RFX6: variants seen among roughly 807,000 people sequenced by gnomAD.
RFX6 encodes the protein regulatory factor X6.
RFX6 carries 50 observed loss-of-function variants against 110.8 expected under a neutral mutation model. That is an observed-to-expected ratio of 0.45 (90% confidence interval 0.36 to 0.57). The LOEUF is 0.57. RFX6 is among the 20% of genes least tolerant of loss of function. The pLI, the probability that RFX6 is intolerant of heterozygous loss-of-function variation, is 0.00. For synonymous variants in RFX6, 383 were observed against 411.2 expected, an observed-to-expected ratio of 0.93 and a Z score of 0.83; for missense variants, 990 against 1,127.0, an observed-to-expected ratio of 0.88 and a Z score of 1.74.
intron 11 of RFX6, among the ~76,000 whole-genome samples, chr6:116,919,613 T>A (rs1289640320): frequency 1.3e-5 from 2 of 152,210 alleles, no homozygotes; most frequent in East Asian, 3.8e-4. Context: ...TCTTTGCAAC[T>A]TCTCTGTGAT....
chr6:116,931,761 A>T lies in RFX6; in HGVS notation c.*255A>T, dbSNP rs1775891929. On this transcript the variant is annotated 3_prime_UTR_variant, in exon 19 of 19. Transcript: ENST00000332958. ...AAATTATCAAATAAAACCAGTGAAGATCTGAAGATGCAAACATTTCAACTA... is the reference window on the plus strand; with the variant it reads ...AAATTATCAAATAAAACCAGTGAAGTTCTGAAGATGCAAACATTTCAACTA... 1 of 378,188 alleles carries T rather than the reference A, an allele frequency of 2.6e-6. No homozygotes were observed. The allele number at this position is 378,188 out of a possible 1,614,324, so 23.4% of individuals were successfully genotyped here. A position where few individuals can be genotyped will look rare whatever the true frequency, so the allele number is the denominator to read the frequency against.
chr6:116,890,287 T>G (rs1377179675), intron 4 of RFX6, among the ~76,000 whole-genome samples: 1 of 152,122 alleles, frequency 6.6e-6, no homozygotes, highest in East Asian at 1.9e-4. Context: ...GCTGTGAAAA[T>G]TTGAGATCAT....
chr6:116,890,554 T>G (rs1448559089), intron 4 of RFX6, among the ~76,000 whole-genome samples: 2 of 152,184 alleles, frequency 1.3e-5, no homozygotes, highest in Non-Finnish European at 2.9e-5. Flanking sequence ...TCACTGGTTC[T>G]CTATCTCCTG....
chr6:116,901,115 C>G (rs187901835), intron 6 of RFX6, among the ~76,000 whole-genome samples: 2 of 152,102 alleles, frequency 1.3e-5, no homozygotes, highest in Admixed American at 6.5e-5. Context: ...TGATTTTGCC[C>G]TACTGTAACC....
chr6:116,900,387 T>C (rs1219865940), intron 6 of RFX6, among the ~76,000 whole-genome samples: 2 of 152,076 alleles, frequency 1.3e-5, no homozygotes, highest in Non-Finnish European at 2.9e-5. Flanking sequence ...CCCGAGTAGC[T>C]GGGATTACAG....
chr6:116,913,716 T>G (rs981233285), intron 7 of RFX6, among the ~76,000 whole-genome samples: 1 of 152,234 alleles, frequency 6.6e-6, no homozygotes, highest in Non-Finnish European at 1.5e-5. Context: ...GCAATAAATT[T>G]TGTAACAAGT....
At chr6:116,925,705 C>G (rs754143346) in intron 16 of RFX6, 46 bp downstream of exon 16, 2 of 1,343,190 alleles carry the variant, frequency 1.5e-6, no homozygotes, top group Non-Finnish European at 2.1e-6. Flanking sequence ...CTCAGAGAAG[C>G]CTGTTGCTTC....
At chr6:116,922,928 A>G (rs1476928045) in intron 13 of RFX6, among the ~76,000 whole-genome samples, 179 bp from the exon 14 acceptor site, 2 of 152,220 alleles carry the variant, frequency 1.3e-5, no homozygotes, top group African/African-American at 2.4e-5. Flanking sequence ...TTACCCTTAA[A>G]ACATCAGCAA....
At chr6:116,905,685 G>A (rs1775185852) in intron 6 of RFX6, among the ~76,000 whole-genome samples, 1 of 151,800 alleles carries the variant, frequency 6.6e-6, no homozygotes, top group Admixed American at 6.6e-5. Context: ...CCAAGGAGCT[G>A]GGACTGCAGG....
chr6:116,931,568 T>C lies in RFX6; in HGVS notation c.*62T>C, dbSNP rs986246079. 1.9e-5 allele frequency: 22 copies of C among 1,182,702 alleles called. No homozygotes were observed. Among genetic ancestry groups the C allele is most frequent in the Non-Finnish European group, 2.6e-5 (21 of 810,046 alleles). The allele number at this position is 1,182,702 out of a possible 1,614,324, so 73.3% of individuals were successfully genotyped here. On this transcript the variant is annotated 3_prime_UTR_variant, in exon 19 of 19. Coordinates refer to ENST00000332958, the MANE Select transcript of RFX6 (RefSeq NM_173560.4). ...AAAATCTCTACTGTGCAAATATCAT[T>C]ATTCACTCAGACTTCCATAAGAGTA...
intron 6 of RFX6, among the ~76,000 whole-genome samples, chr6:116,903,888 C>T (rs1311948736): frequency 1.3e-5 from 2 of 151,788 alleles, no homozygotes; most frequent in East Asian, 1.9e-4. Context: ...ACAATATTGA[C>T]GCAAACAATT....
rs747102902 is a variant in RFX6 at position 116,882,373 on chromosome 6, C to G, written c.511C>G (p.Arg171Gly). Residue 171 changes from arginine (R) to glycine (G), a missense_variant, in exon 4 of 19, where the codon CGC (arginine) becomes GGC (glycine). Around this residue, in one of 5 missense-constraint regions of RFX6, gnomAD observed 243 missense variants for 353.1 expected, o/e 0.69. Coordinates refer to ENST00000332958, the MANE Select transcript of RFX6 (RefSeq NM_173560.4). ...ACAATFGKTI[R>G]QKFPLLTTRR... The stretch of plus-strand genomic sequence containing the variant: ...TAATCATCTTTCTTTTTAGACAATT[C>G]GCCAGAAGTTTCCCCTCCTAACAAC... 1.9e-6 allele frequency: 3 copies of G among 1,612,114 alleles called. No individual in the cohort carries two copies. The highest frequency in any genetic ancestry group is 1.7e-5 in the Admixed American group (1 of 59,950).
chr6:116,881,909 T>C (rs1024550398), intron 3 of RFX6, among the ~76,000 whole-genome samples: 2 of 152,076 alleles, frequency 1.3e-5, no homozygotes, highest in Non-Finnish European at 2.9e-5. Context: ...TTAGCAACTT[T>C]AGAGAAAGGA....
At position 116,927,494 on chromosome 6, in the gene RFX6, G is replaced by A; in HGVS notation, c.2353G>A (p.Ala785Thr). Reference sequence around the variant, plus strand: ...CTTCAATTTCTTGAGCAACACAGGAGCTGCCAGCTGCCAAGGAGCAACACT... The same window carrying A: ...CTTCAATTTCTTGAGCAACACAGGAACTGCCAGCTGCCAAGGAGCAACACT... ...GSFNFLSNTG[A>T]ASCQGATLPP... Residue 785 changes from alanine to threonine, a missense_variant, in exon 17 of 19, where the codon GCT (alanine) becomes ACT (threonine). Around this residue, in one of 5 missense-constraint regions of RFX6, gnomAD observed 438 missense variants for 441.9 expected, o/e 0.99. Coordinates refer to ENST00000332958, the MANE Select transcript of RFX6 (RefSeq NM_173560.4). The A allele has an allele frequency of 6.2e-7, 1 of 1,613,942 alleles. No homozygotes were observed. The highest frequency in any genetic ancestry group is 8.5e-7 in the Non-Finnish European group (1 of 1,179,970).
Position 116,919,239 on chromosome 6 carries a change from T to A in RFX6, c.1125T>A (p.Ile375=), listed in dbSNP as rs777028448. 1.2e-6 allele frequency: 2 copies of A among 1,613,596 alleles called. No individual in the cohort carries two copies. The highest frequency in any genetic ancestry group is 1.7e-6 in the Non-Finnish European group (2 of 1,179,620). Residue 375 remains isoleucine (I), a synonymous_variant, in exon 11 of 19, where the codon ATT becomes ATA. Coordinates refer to ENST00000332958, the MANE Select transcript of RFX6 (RefSeq NM_173560.4). ...PEALTDKKIP[I]VRRFVSSLKR... Reference sequence around the variant, plus strand: ...CTCTAACTGACAAGAAAATACCTATTGTGCGAAGATTTGTATCTTCTCTGA... The same window carrying A: ...CTCTAACTGACAAGAAAATACCTATAGTGCGAAGATTTGTATCTTCTCTGA...
intron 6 of RFX6, among the ~76,000 whole-genome samples, chr6:116,910,354 A>G (rs1775323906): frequency 6.6e-6 from 1 of 152,200 alleles, no homozygotes; most frequent in African/African-American, 2.4e-5. Context: ...TAGCTCAAGT[A>G]TGCTTTCTCC....
At chr6:116,929,811 C>G (rs1465914130) in intron 18 of RFX6, among the ~76,000 whole-genome samples, 1 of 152,154 alleles carries the variant, frequency 6.6e-6, no homozygotes, top group African/African-American at 2.4e-5. Flanking sequence ...AAGTAGAGGG[C>G]ATTGACACGC....
At position 116,914,094 on chromosome 6, in the gene RFX6, T is replaced by C. The variant is rs189270309; in HGVS notation, c.781-1914T>C. 2.7e-3 allele frequency among the ~76,000 whole-genome samples: 405 copies of C among 152,268 alleles called. 2 individuals carry two copies. The highest frequency in any genetic ancestry group is 9.2e-3 in the African/African-American group (382 of 41,558). On this transcript the variant is annotated intron_variant, in intron 7 of 18. Transcript: ENST00000332958. ...TCATTATTTTCCTCTCCCCCTCCTCTTTCCGACCTCTGGTAACCACCAGTC... is the reference window on the plus strand; with the variant it reads ...TCATTATTTTCCTCTCCCCCTCCTCCTTCCGACCTCTGGTAACCACCAGTC...
chr6:116,913,337 C>T (rs1383865779), intron 7 of RFX6, among the ~76,000 whole-genome samples: 1 of 152,214 alleles, frequency 6.6e-6, no homozygotes, highest in Non-Finnish European at 1.5e-5. Context: ...ATTGAGATTA[C>T]AGGCGTAAGC....
Sources: gnomAD v4.1 joint callset for allele counts (sites outside exome capture counted in the v4.1 genomes callset) on GRCh38, gnomAD v4.1.1 for gene constraint, gnomAD v4.1.1 regional missense constraint, MANE v1.5 for transcripts, NCBI Gene and HGNC (gene_info 2026-07-23, HGNC 2026-07-21) for gene names.